Variants in THSD7B observed in about 807,000 individuals in gnomAD.
The protein encoded by THSD7B is thrombospondin type-1 domain-containing protein 7B.
In THSD7B, 138 loss-of-function variants were observed where a neutral mutation model predicts 213.6. The observed-to-expected ratio is 0.65, with a 90% CI of 0.56 to 0.74. The LOEUF is 0.74. Ranked by LOEUF, THSD7B falls within the 30% of genes least tolerant of loss-of-function variation. The pLI, the probability that THSD7B is intolerant of heterozygous loss-of-function variation, is 0.00. For synonymous variants in THSD7B, 742 were observed against 687.0 expected (o/e 1.08, Z -1.25); for missense variants, 1,931 against 1,991.5 (o/e 0.97, Z 0.58).
intron 15 of THSD7B, among the ~76,000 whole-genome samples, chr2:137,554,557 A>C (rs889720981): frequency 2.2e-4 from 33 of 152,168 alleles, no homozygotes; most frequent in African/African-American, 8.0e-4. Flanking sequence ...GAAAGGCTAA[A>C]AGAGGGGAGG....
chr2:137,602,722 T>C (rs1682098911), intron 17 of THSD7B, among the ~76,000 whole-genome samples: 1 of 152,170 alleles, frequency 6.6e-6, no homozygotes, highest in Non-Finnish European at 1.5e-5. Context: ...AACCCACTCT[T>C]GGGATAACAG....
intron 12 of THSD7B, among the ~76,000 whole-genome samples, chr2:137,315,356 C>T (rs1684066237): frequency 6.6e-6 from 1 of 152,324 alleles, no homozygotes; most frequent in South Asian, 2.1e-4. Flanking sequence ...ATGCCTCGCC[C>T]TGCTTCGGCT....
chr2:137,228,637 G>A (rs1039813188), intron 7 of THSD7B, among the ~76,000 whole-genome samples: 4 of 152,000 alleles, frequency 2.6e-5, no homozygotes, highest in African/African-American at 4.8e-5. Flanking sequence ...TCCTTCCAAC[G>A]CCTGAAATAC....
chr2:136,775,475 A>G (rs1681583400), intron 1 of THSD7B, among the ~76,000 whole-genome samples: 2 of 152,228 alleles, frequency 1.3e-5, no homozygotes, highest in East Asian at 1.9e-4. Flanking sequence ...TTTTTTCAAC[A>G]TGCCAGGATT....
chr2:136,801,063 G>A (rs990371652), intron 1 of THSD7B, among the ~76,000 whole-genome samples: 2 of 151,690 alleles, frequency 1.3e-5, no homozygotes, highest in African/African-American at 4.8e-5. Flanking sequence ...TACGTCCATT[G>A]TAGGAATAGT....
intron 10 of THSD7B, among the ~76,000 whole-genome samples, chr2:137,263,186 T>C (rs1682492732): frequency 6.6e-6 from 1 of 152,124 alleles, no homozygotes; most frequent in East Asian, 1.9e-4. Flanking sequence ...CGTATGCAGA[T>C]ATAAACATGA....
chr2:136,874,429 C>G (rs1408936973), intron 1 of THSD7B, among the ~76,000 whole-genome samples: 1 of 152,150 alleles, frequency 6.6e-6, no homozygotes, highest in Non-Finnish European at 1.5e-5. Context: ...CCCCGTTGAT[C>G]GGCCATCTTT....
At chr2:137,397,077 T>C (rs1558782871) in intron 12 of THSD7B, among the ~76,000 whole-genome samples, 3 of 147,820 alleles carry the variant, frequency 2.0e-5, no homozygotes. Flanking sequence ...TGAGATGGGT[T>C]TCCTGAATAG....
At chr2:136,809,384 A>C (rs1406181707) in intron 1 of THSD7B, among the ~76,000 whole-genome samples, 1 of 152,216 alleles carries the variant, frequency 6.6e-6, no homozygotes, top group Non-Finnish European at 1.5e-5. Flanking sequence ...TGAGGAGCCC[A>C]GAGGCTAGAG....
chr2:137,269,378 G>A (rs751395582), intron 10 of THSD7B, among the ~76,000 whole-genome samples: 6 of 152,206 alleles, frequency 3.9e-5, no homozygotes, highest in East Asian at 1.9e-4. Flanking sequence ...AGTGTGTACC[G>A]TATGTGTATG....
intron 4 of THSD7B, among the ~76,000 whole-genome samples, chr2:137,106,016 G>A (rs1688241111): frequency 6.6e-6 from 1 of 152,136 alleles, no homozygotes; most frequent in African/African-American, 2.4e-5. Context: ...AGGTACCATT[G>A]ACTTTCTTCA....
chr2:136,932,461 A>G (rs1684646811), intron 2 of THSD7B, among the ~76,000 whole-genome samples: 1 of 128,142 alleles, frequency 7.8e-6, no homozygotes, highest in African/African-American at 2.5e-5. Flanking sequence ...ATAACTTTTG[A>G]CTGTTTTGAA....
chr2:137,337,050 T>A (rs549128867), intron 12 of THSD7B, among the ~76,000 whole-genome samples: 1 of 151,314 alleles, frequency 6.6e-6, no homozygotes, highest in South Asian at 2.1e-4. Flanking sequence ...TAATACCTAA[T>A]AATTATACCT....
At chr2:137,137,965 C>T (rs908506058) in intron 5 of THSD7B, among the ~76,000 whole-genome samples, 1 of 152,032 alleles carries the variant, frequency 6.6e-6, no homozygotes, top group Non-Finnish European at 1.5e-5. Context: ...GTGGTGTGAT[C>T]CCAGTTCACT....
chr2:137,439,300 T>C (rs1257699239), intron 14 of THSD7B, among the ~76,000 whole-genome samples: 4 of 152,104 alleles, frequency 2.6e-5, no homozygotes, highest in Non-Finnish European at 4.4e-5. Context: ...TTGATGCTTT[T>C]TTCTGGTTTC....
chr2:136,871,135 C>T (rs533099376), intron 1 of THSD7B, among the ~76,000 whole-genome samples: 47 of 152,242 alleles, frequency 3.1e-4, no homozygotes, highest in African/African-American at 7.9e-4. Flanking sequence ...CGGGGAGATC[C>T]GGTCTGTGGG....
At chr2:137,589,085 T>C (rs1681808284) in intron 17 of THSD7B, among the ~76,000 whole-genome samples, 1 of 152,198 alleles carries the variant, frequency 6.6e-6, no homozygotes, top group Non-Finnish European at 1.5e-5. Flanking sequence ...TGGCCACATG[T>C]TGTCCTTTTA....
intron 21 of THSD7B, among the ~76,000 whole-genome samples, chr2:137,652,968 T>G (rs1450837297): frequency 2.6e-5 from 4 of 152,180 alleles, no homozygotes; most frequent in Non-Finnish European, 4.4e-5. Context: ...TCAAATTCAG[T>G]TATGAGTGAA....
intron 2 of THSD7B, among the ~76,000 whole-genome samples, chr2:136,939,746 C>T (rs1253737761): frequency 6.6e-6 from 1 of 152,186 alleles, no homozygotes; most frequent in Non-Finnish European, 1.5e-5. Context: ...TCCCTTCTCG[C>T]TTCACAGGCA....
Sources: gnomAD v4.1 joint callset for allele counts (sites outside exome capture counted in the v4.1 genomes callset) on GRCh38, gnomAD v4.1.1 for gene constraint, MANE v1.5 for transcripts, NCBI Gene and HGNC (gene_info 2026-07-23, HGNC 2026-07-21) for gene names.